KIZ: variants seen among roughly 807,000 people sequenced by gnomAD.
The protein encoded by KIZ is centrosomal protein kizuna.
In KIZ, 68 loss-of-function variants were observed where a neutral mutation model predicts 79.6. That is an observed-to-expected ratio of 0.85 (90% CI 0.70 to 1.05). The LOEUF is 1.05. Ranked by LOEUF, KIZ falls within the 50% of genes least tolerant of loss-of-function variation. The pLI, the probability that KIZ is intolerant of heterozygous loss-of-function variation, is 0.00. For synonymous variants in KIZ, 280 were observed against 281.8 expected, an observed-to-expected ratio of 0.99 and a Z score of 0.06; for missense variants, 797 against 800.4, an observed-to-expected ratio of 1.00 and a Z score of 0.05.
intron 6 of KIZ, among the ~76,000 whole-genome samples, chr20:21,181,393 T>A (rs1035334377): frequency 2.6e-5 from 4 of 152,210 alleles, no homozygotes; most frequent in East Asian, 1.9e-4. Flanking sequence ...CATTTGTCAT[T>A]TTAAAATATC....
At chr20:21,125,994 C>T (rs1443066327), upstream of KIZ, 10 of 1,314,042 alleles carry the variant, frequency 7.6e-6, no homozygotes, top group Non-Finnish European at 8.7e-6. Context: ...GCGTCTTGCC[C>T]CGCCTCCTGC....
rs1050199788 is a variant in KIZ, at chr20:21,172,439, C to T, written c.1352+9280C>T. Among the ~76,000 whole-genome samples, 7 of 151,834 alleles carry T rather than the reference C, an allele frequency of 4.6e-5. No homozygotes were observed. In the South Asian group the frequency reaches 1.5e-3, roughly 31 times the overall value. On this transcript the variant is annotated intron_variant, in intron 6 of 12. Coordinates refer to ENST00000619189, the MANE Select transcript of KIZ (RefSeq NM_018474.6). ...GCAACGTGGTGAAACCTCGTCTCTA[C>T]AAAAGATGCAAAAAAATTAGCCAGG...
chr20:21,138,145 G>C (rs1051551793), intron 3 of KIZ, among the ~76,000 whole-genome samples: 4 of 152,140 alleles, frequency 2.6e-5, no homozygotes, highest in Non-Finnish European at 5.9e-5. Flanking sequence ...TCCAGACTAG[G>C]AGCCAACTAG....
chr20:21,134,061 G>A (rs566122281), intron 2 of KIZ, among the ~76,000 whole-genome samples: 3 of 152,298 alleles, frequency 2.0e-5, no homozygotes, highest in South Asian at 2.1e-4. Context: ...AGAGGCAGAC[G>A]CTCTCAGGTT....
At chr20:21,147,961 T>TTGTGTGTGTGTGTGTGTGTGTGTG (rs61333547) in intron 4 of KIZ, among the ~76,000 whole-genome samples, 14 of 141,136 alleles carry the variant, frequency 9.9e-5, no homozygotes, top group East Asian at 2.1e-4. Flanking sequence ...CTCCTGGAAT[T>TTGTGTGTGTGTGTGTGTGTGTGTG]TGTGTGTGTG....
chr20:21,229,131 TG>T lies in KIZ; in HGVS notation c.1783+18del. The T allele has an allele frequency of 6.8e-7, 1 of 1,476,078 alleles. No homozygotes were observed. The highest frequency in any genetic ancestry group is 9.5e-7 in the Non-Finnish European group (1 of 1,057,386). The allele number at this position is 1,476,078 out of a possible 1,614,324, so 91.4% of individuals were successfully genotyped here. On this transcript the variant is annotated intron_variant, in intron 10 of 12. Transcript: ENST00000619189. The stretch of plus-strand genomic sequence containing the variant: ...CACTTGTCAGGTAAGTAAGAGCAGA[TG>T]GCAGTGTCCAGGGGCCCAGAGTGGC...
At chr20:21,217,400 AAAGC>A (rs1178079654) in intron 9 of KIZ, among the ~76,000 whole-genome samples, 6 of 152,376 alleles carry the variant, frequency 3.9e-5, no homozygotes, top group African/African-American at 1.4e-4. Flanking sequence ...TTGGTAGAGT[AAAGC>A]AAGTATGTAG....
rs528862922 is a variant in KIZ at position 21,156,794 on chromosome 20, A to G, written c.406-5077A>G. 1.2e-4 allele frequency among the ~76,000 whole-genome samples: 18 copies of G among 152,340 alleles called. No individual in the cohort carries two copies. In the East Asian group the frequency reaches 2.9e-3, roughly 24 times the overall value. On this transcript the variant is annotated intron_variant, in intron 4 of 12. Transcript: ENST00000619189. ...CCAACTTACCCTCAAATGGTTCAGA[A>G]AAAAATCATAGCTTATATTTAGGTA...
intron 1 of KIZ, among the ~76,000 whole-genome samples, chr20:21,128,448 C>G (rs761816032): frequency 9.9e-5 from 15 of 152,128 alleles, no homozygotes; most frequent in Non-Finnish European, 2.1e-4. Context: ...CCAGAAACTT[C>G]TGGGAAGTGG....
At chr20:21,195,372 A>C (rs1255299945) in intron 6 of KIZ, 1 of 152,198 alleles carries the variant, frequency 6.6e-6, no homozygotes, top group African/African-American at 2.4e-5. Flanking sequence ...TAACGAGACC[A>C]CTAAAAGTCA....
At chr20:21,195,554 C>T (rs1038955207) in intron 6 of KIZ, 2 of 152,152 alleles carry the variant, frequency 1.3e-5, no homozygotes, top group Non-Finnish European at 2.9e-5. Flanking sequence ...AAGCCATGGT[C>T]CTTGCTCCAG....
At chr20:21,164,337 C>CA (rs2033832600) in intron 6 of KIZ, among the ~76,000 whole-genome samples, 1 of 152,178 alleles carries the variant, frequency 6.6e-6, no homozygotes, top group Non-Finnish European at 1.5e-5. Flanking sequence ...TATCCAAGTA[C>CA]AGAGTTCTTG....
intron 6 of KIZ, among the ~76,000 whole-genome samples, chr20:21,169,547 A>ATTTCTAGT (rs2034109733): frequency 6.6e-6 from 1 of 152,232 alleles, no homozygotes; most frequent in African/African-American, 2.4e-5. Flanking sequence ...TAGAACTAGA[A>ATTTCTAGT]ATACCATTTG....
chr20:21,145,174 T>G (rs1005534409), intron 3 of KIZ, among the ~76,000 whole-genome samples: 28 of 151,404 alleles, frequency 1.8e-4, no homozygotes, highest in Admixed American at 7.2e-4. Flanking sequence ...TTTTTTTTGT[T>G]TGTTTGGGGC....
intron 4 of KIZ, chr20:21,154,281 A>G (rs1258244505): frequency 1.3e-5 from 2 of 152,184 alleles, no homozygotes; most frequent in Admixed American, 6.5e-5. Context: ...AAAGTATACT[A>G]GTGGTTGAGG....
chr20:21,145,426 A>G (rs1199558774), intron 3 of KIZ, 139 bp from the exon 4 acceptor site: 1 of 398,878 alleles, frequency 2.5e-6, no homozygotes, highest in Admixed American at 4.5e-5. Context: ...TTCATTTTCT[A>G]AGATAAGGTG....
At chr20:21,140,859 C>T (rs1441508389) in intron 3 of KIZ, among the ~76,000 whole-genome samples, 1 of 151,524 alleles carries the variant, frequency 6.6e-6, no homozygotes, top group East Asian at 1.9e-4. Context: ...TTAAAATTAG[C>T]CAGCTGTAGG....
At position 21,209,934 on chromosome 20, in the gene KIZ, A is replaced by C. The variant is rs149857355; in HGVS notation, c.1446+4350A>C. 5.0e-4 allele frequency among the ~76,000 whole-genome samples: 76 copies of C among 152,362 alleles called. No homozygotes were observed. The East Asian group carries it at 0.015, about 29-fold the overall frequency. The stretch of plus-strand genomic sequence containing the variant: ...TAGAGCGAGCATATGTTTTCTTTTA[A>C]AAACAAGCATTAAAAATCTTGAAAT... On this transcript the variant is annotated intron_variant, in intron 7 of 12. Coordinates refer to ENST00000619189, the MANE Select transcript of KIZ (RefSeq NM_018474.6).
chr20:21,158,481 A>G (rs918549030), intron 4 of KIZ: 3 of 152,246 alleles, frequency 2.0e-5, no homozygotes, highest in Non-Finnish European at 4.4e-5. Context: ...TGGGAAACAA[A>G]CCAATGTCCT....
Sources: gnomAD v4.1 joint callset for allele counts (sites outside exome capture counted in the v4.1 genomes callset) on GRCh38, gnomAD v4.1.1 for gene constraint, MANE v1.5 for transcripts, NCBI Gene and HGNC (gene_info 2026-07-23, HGNC 2026-07-21) for gene names.